The following POLD4 variants were observed in gnomAD, a reference collection of about 807,000 sequenced individuals.
POLD4 encodes DNA polymerase delta 4, accessory subunit.
POLD4 carries 9 observed loss-of-function variants against 16.5 expected under a neutral mutation model. The observed-to-expected ratio is 0.55, with a 90% CI of 0.33 to 0.95. The LOEUF (loss-of-function observed/expected upper bound fraction) is 0.95, where lower values mean the gene tolerates loss of function less well. Among genes scored for constraint, POLD4 ranks in the 40% least tolerant of loss-of-function variants. POLD4 has a pLI of 0.03. For synonymous variants in POLD4, 62 were observed against 57.6 expected, an observed-to-expected ratio of 1.08 and a Z score of -0.35; for missense variants, 129 against 139.7, an observed-to-expected ratio of 0.92 and a Z score of 0.39.
chr11:67,352,103 G>A (rs1861880694), intron 3 of POLD4, 84 bp from the exon 4 acceptor site: 2 of 1,130,680 alleles, frequency 1.8e-6, no homozygotes, highest in Admixed American at 2.0e-5. Context: ...CCCTGGATCT[G>A]ATTTCACCAG....
intron 3 of POLD4, 138 bp downstream of exon 3, chr11:67,352,553 C>A: frequency 1.6e-6 from 1 of 616,400 alleles, no homozygotes. Context: ...CTGAGCCAGG[C>A]ACCTCATAGA....
At chr11:67,353,178 T>A in intron 1 of POLD4, 101 bp from the exon 2 acceptor site, 1 of 1,499,288 alleles carries the variant, frequency 6.7e-7, no homozygotes, top group Non-Finnish European at 9.1e-7. Flanking sequence ...ACCCCGCAGC[T>A]AGACCTGGTG....
intron 3 of POLD4, 61 bp from the exon 4 acceptor site, chr11:67,352,080 T>G: frequency 3.0e-6 from 4 of 1,334,392 alleles, no homozygotes; most frequent in Non-Finnish European, 4.2e-6. Flanking sequence ...AAACAGAGAA[T>G]CAGTTGTTGA....
Position 67,351,973 on chromosome 11 carries a change from G to A in POLD4, c.*22C>T, listed in dbSNP as rs774335205. 3 of 1,526,472 alleles carry A rather than the reference G, an allele frequency of 2.0e-6. No individual in the cohort carries two copies. Among genetic ancestry groups the A allele is most frequent in the East Asian group, 5.1e-5 (2 of 39,378 alleles). 94.6% of individuals were successfully genotyped at this position (1,526,472 alleles called of 1,614,324 possible). A position where few individuals can be genotyped will look rare whatever the true frequency, so the allele number is the denominator to read the frequency against. On this transcript the variant is annotated 3_prime_UTR_variant, in exon 4 of 4. Transcript: ENST00000312419. The surrounding 1 kb of genome is among the most constrained non-coding windows in gnomAD (Gnocchi z 4.8). ...TGGGTGGTGAGCAAGAGAGCTAAGG[G>A]CAGGAGGTCTTACGTGGTGCCTCAT...
chr11:67,353,381 T>C lies in POLD4; in HGVS notation c.19A>G (p.Ile7Val). Residue 7 changes from isoleucine to valine, a missense_variant, in exon 1 of 4, where the codon ATC (isoleucine) becomes GTC (valine). Transcript: ENST00000312419. MGRKRL[I>V]TDSYPVVKRR... is the part of the protein sequence containing the mutation. ...TTCACAACCGGGTAGGAATCAGTGA[T>C]GAGCCGCTTCCGGCCCATGGCGGCC... 1.2e-6 allele frequency: 2 copies of C among 1,611,926 alleles called. No homozygotes were observed. The highest frequency in any genetic ancestry group is 1.7e-6 in the Non-Finnish European group (2 of 1,179,966).
rs1351394256 is a variant in POLD4 at position 67,352,021 on chromosome 11, T to C, written c.300-2A>G. 3.1e-6 allele frequency: 4 copies of C among 1,302,958 alleles called. No homozygotes were observed. The allele number at this position is 1,302,958 out of a possible 1,614,324, so 80.7% of individuals were successfully genotyped here. ...CATAGGGGATAGAGATGCCAGAGACTGTGGAAGATGGGGTGGGAGGGAGGG... is the reference window on the plus strand; with the variant it reads ...CATAGGGGATAGAGATGCCAGAGACCGTGGAAGATGGGGTGGGAGGGAGGG... On this transcript the variant is annotated splice_acceptor_variant, in intron 3 of 3. Transcript: ENST00000312419. LOFTEE classifies it high-confidence loss of function.
chr11:67,353,178 T>C (rs1265958792), intron 1 of POLD4, 101 bp from the exon 2 acceptor site: 56 of 1,499,170 alleles, frequency 3.7e-5, no homozygotes, highest in Non-Finnish European at 4.9e-5. Flanking sequence ...ACCCCGCAGC[T>C]AGACCTGGTG....
Position 67,353,310 on chromosome 11 carries a change from G to T in POLD4, c.90C>A (p.Pro30=). 1.2e-6 allele frequency: 2 copies of T among 1,611,630 alleles called. No individual in the cohort carries two copies. Among genetic ancestry groups the T allele is most frequent in the Non-Finnish European group, 8.5e-7 (1 of 1,179,720 alleles). Residue 30 remains proline, a synonymous_variant, in exon 1 of 4, where the codon CCC becomes CCA. Coordinates refer to ENST00000312419, the MANE Select transcript of POLD4 (RefSeq NM_021173.5). ...PAGHSKGELA[P]ELGEEPQPRD... ...CCCTCACACCTCAGAGACCTAGCTC[G>T]GGTGCCAGCTCCCCCTTGCTGTGCC...
chr11:67,352,849 A>T, intron 2 of POLD4, 47 bp from the exon 3 acceptor site: 5 of 1,495,146 alleles, frequency 3.3e-6, no homozygotes, highest in Non-Finnish European at 3.7e-6. Flanking sequence ...GGGGTGGGGT[A>T]GAGTCTGAGC....
At chr11:67,352,099 A>G in intron 3 of POLD4, 80 bp from the exon 4 acceptor site, 2 of 1,179,262 alleles carry the variant, frequency 1.7e-6, no homozygotes, top group South Asian at 2.7e-5. Flanking sequence ...GAGTCCCTGG[A>G]TCTGATTTCA....
At position 67,351,744 on chromosome 11, in the gene POLD4, C is replaced by T. The variant is rs1861871861; in HGVS notation, c.*251G>A. On this transcript the variant is annotated 3_prime_UTR_variant, in exon 4 of 4. Coordinates refer to ENST00000312419, the MANE Select transcript of POLD4 (RefSeq NM_021173.5). The surrounding 1 kb of genome is among the most constrained non-coding windows in gnomAD (Gnocchi z 4.8). ...GGCAGCAGGTATTGGAAGGTGATGG[C>T]CAGGTCCTTTTCCCCAGTGACCACT... The T allele has an allele frequency of 4.0e-6, 2 of 496,878 alleles. No individual in the cohort carries two copies. The highest frequency in any genetic ancestry group is 2.6e-5 in the South Asian group (1 of 38,820). 30.8% of individuals were successfully genotyped at this position (496,878 alleles called of 1,614,324 possible).
At position 67,351,617 on chromosome 11, in the gene POLD4, C is replaced by G. The variant is rs7951732; in HGVS notation, c.*378G>C. ...TGCCCTGGGAGCTCAGCCAGTCCTG[C>G]TCTCAGATTCCTGGCCTTAGGTGGG... On this transcript the variant is annotated 3_prime_UTR_variant, in exon 4 of 4. Transcript: ENST00000312419. The surrounding 1 kb of genome is among the most constrained non-coding windows in gnomAD (Gnocchi z 4.8). 0.024 allele frequency: 5,255 copies of G among 219,010 alleles called. 288 individuals are homozygous for G. The highest frequency in any genetic ancestry group is 0.11 in the African/African-American group (4,892 of 43,466). The allele number at this position is 219,010 out of a possible 1,614,324, so 13.6% of individuals were successfully genotyped here.
chr11:67,352,431 A>T (rs886851260), intron 3 of POLD4: 1 of 408,198 alleles, frequency 2.4e-6, no homozygotes, highest in African/African-American at 2.1e-5. Flanking sequence ...AATGGCGTGA[A>T]CCCGAGAGGC....
chr11:67,351,775 T>C lies in POLD4; in HGVS notation c.*220A>G, dbSNP rs544835735. The C allele has an allele frequency of 1.8e-6, 1 of 553,836 alleles. No homozygotes were observed. Among genetic ancestry groups the C allele is most frequent in the African/African-American group, 1.9e-5 (1 of 52,670 alleles). The allele number at this position is 553,836 out of a possible 1,614,324, so 34.3% of individuals were successfully genotyped here. A position where few individuals can be genotyped will look rare whatever the true frequency, so the allele number is the denominator to read the frequency against. On this transcript the variant is annotated 3_prime_UTR_variant, in exon 4 of 4. Transcript: ENST00000312419. The surrounding 1 kb of genome is among the most constrained non-coding windows in gnomAD (Gnocchi z 4.8). ...CCTTTTCCCCAGTGACCACTCTCCA[T>C]CTAGAAGCACTCTGCTTCAGCTGCG...
intron 3 of POLD4, 97 bp downstream of exon 3, chr11:67,352,594 A>G (rs1447253890): frequency 3.4e-6 from 3 of 890,462 alleles, no homozygotes; most frequent in Admixed American, 2.4e-5. Flanking sequence ...AGGCCTTCCA[A>G]CCCTCCATCC....
Position 67,350,955 on chromosome 11 carries a change from G to A in POLD4, c.*1040C>T, listed in dbSNP as rs1403850382. 1 of 151,126 alleles carries A rather than the reference G, an allele frequency of 6.6e-6. No homozygotes were observed. 9.4% of individuals were successfully genotyped at this position (151,126 alleles called of 1,614,324 possible). ...TTTTTTGTATTTTTAGTAGAGATGG[G>A]GTTTCACCATGTTAGCCAGGATGGT... On this transcript the variant is annotated 3_prime_UTR_variant, in exon 4 of 4. Transcript: ENST00000312419.
chr11:67,353,509 C>A lies in POLD4; in HGVS notation c.-110G>T. 7 of 933,812 alleles carry A rather than the reference C, an allele frequency of 7.5e-6. No individual in the cohort carries two copies. Among genetic ancestry groups the A allele is most frequent in the African/African-American group, 1.7e-5 (1 of 60,074 alleles). The allele number at this position is 933,812 out of a possible 1,614,324, so 57.8% of individuals were successfully genotyped here. On this transcript the variant is annotated 5_prime_UTR_variant, in exon 1 of 4. Coordinates refer to ENST00000312419, the MANE Select transcript of POLD4 (RefSeq NM_021173.5). ...AGAGAGACAGACGGGGCCAGGCCAG[C>A]GGCGGGCAGACAAGATGACCCAGAC...
intron 3 of POLD4, 152 bp downstream of exon 3, chr11:67,352,539 C>T (rs751966497): frequency 3.4e-6 from 2 of 594,238 alleles, no homozygotes; most frequent in South Asian, 4.2e-5. Flanking sequence ...AGTGGCGTGT[C>T]CTCCTGAGCC....
chr11:67,353,409 C>G lies in POLD4; in HGVS notation c.-10G>C. On this transcript the variant is annotated 5_prime_UTR_variant, in exon 1 of 4. Coordinates refer to ENST00000312419, the MANE Select transcript of POLD4 (RefSeq NM_021173.5). ...GCCGCTTCCGGCCCATGGCGGCCAC[C>G]CAGGCAGGCAGAGAAGGAGGCAACT... 6.2e-7 allele frequency: 1 copy of G among 1,608,652 alleles called. No individual in the cohort carries two copies.
Sources: allele counts gnomAD v4.1 joint callset, GRCh38; gene constraint gnomAD v4.1.1; non-coding constraint Gnocchi (gnomAD v3.1); transcripts MANE v1.5; gene names NCBI Gene and HGNC (gene_info 2026-07-23, HGNC 2026-07-21).